NCOA7: variants seen among roughly 807,000 people sequenced by gnomAD.
NCOA7 encodes 140 kDa estrogen receptor-associated protein.
In NCOA7, 45 loss-of-function variants were observed where a neutral mutation model predicts 104.3. The observed-to-expected ratio is 0.43, with a 90% CI of 0.34 to 0.55. The LOEUF (loss-of-function observed/expected upper bound fraction) is 0.55. Among genes scored for constraint, NCOA7 ranks in the 20% least tolerant of loss-of-function variants. The probability of loss-of-function intolerance (pLI) is 0.02; values close to 1 mark genes in which losing one functional copy is unlikely to be tolerated. For missense variants in NCOA7, 1,041 were observed against 1,119.7 expected (o/e 0.93, Z 1.00); for synonymous variants, 398 against 402.3 (o/e 0.99, Z 0.13).
chr6:125,900,100 G>A, intron 10 of NCOA7: 1 of 518,658 alleles, frequency 1.9e-6, no homozygotes, highest in South Asian at 1.4e-5. Flanking sequence ...GAAGCATGAG[G>A]CCAGGGTTAA....
At chr6:125,919,208 A>C (rs980933715) in intron 11 of NCOA7, 10 of 1,564,564 alleles carry the variant, frequency 6.4e-6, no homozygotes, top group African/African-American at 1.4e-5. Flanking sequence ...ACTTCTCCTG[A>C]GGGAAACAGA....
At chr6:125,859,490 T>C (rs1781863560) in intron 3 of NCOA7, among the ~76,000 whole-genome samples, 1 of 152,270 alleles carries the variant, frequency 6.6e-6, no homozygotes, top group South Asian at 2.1e-4. Context: ...ATAATGAATG[T>C]ATCGAAAAAA....
intron 13 of NCOA7, 118 bp from the exon 14 acceptor site, chr6:125,927,545 T>G (rs926725475): frequency 1.6e-5 from 12 of 742,522 alleles, no homozygotes; most frequent in Non-Finnish European, 2.5e-5. Context: ...AGTGCCAATT[T>G]AGTAATAATC....
At chr6:125,927,976 C>T (rs536170145) in intron 14 of NCOA7, among the ~76,000 whole-genome samples, 198 bp from the exon 15 acceptor site, 4 of 152,344 alleles carry the variant, frequency 2.6e-5, no homozygotes, top group Non-Finnish European at 5.9e-5. Flanking sequence ...AGAGCCACCA[C>T]GTGTCTGAAA....
chr6:125,896,455 A>G (rs1054232109), intron 10 of NCOA7, among the ~76,000 whole-genome samples: 32 of 152,226 alleles, frequency 2.1e-4, no homozygotes, highest in African/African-American at 7.2e-4. Flanking sequence ...GGTAAGGCCA[A>G]TTGAGGCCGG....
rs569583921 is a variant in NCOA7 at position 125,895,021 on chromosome 6, G to C, written c.2096+4211G>C. Among the ~76,000 whole-genome samples, 14 of 152,162 alleles carry C rather than the reference G, an allele frequency of 9.2e-5. No homozygotes were observed. In the South Asian group the frequency reaches 2.5e-3, roughly 27 times the overall value. On this transcript the variant is annotated intron_variant, in intron 10 of 15. Transcript: ENST00000392477. ...ATAATATTCCGTGAATTTGGATACT[G>C]TTTTATATTTTAAAAACCTCAATTG...
chr6:125,834,019 A>T (rs1027750316), intron 2 of NCOA7, among the ~76,000 whole-genome samples: 7 of 152,246 alleles, frequency 4.6e-5, no homozygotes, highest in African/African-American at 1.2e-4. Flanking sequence ...TTATTTTTTT[A>T]AAATCGTAAT....
chr6:125,834,269 A>G (rs376611130), intron 2 of NCOA7, among the ~76,000 whole-genome samples: 11 of 152,222 alleles, frequency 7.2e-5, no homozygotes, highest in African/African-American at 2.7e-4. Context: ...AAATGTAAAT[A>G]ATACTTATTA....
intron 3 of NCOA7, among the ~76,000 whole-genome samples, chr6:125,866,889 T>G (rs2128631634): frequency 6.6e-6 from 1 of 152,348 alleles, no homozygotes; most frequent in South Asian, 2.1e-4. Flanking sequence ...TATGTATTTG[T>G]GCTTCTAGAT....
chr6:125,783,211 C>T (rs931835398), intron 1 of NCOA7, among the ~76,000 whole-genome samples: 5 of 152,158 alleles, frequency 3.3e-5, no homozygotes, highest in Non-Finnish European at 7.3e-5. Context: ...TTAGTGGCTA[C>T]GTACCGTCAT....
intron 2 of NCOA7, among the ~76,000 whole-genome samples, chr6:125,846,507 A>G (rs181671394): frequency 6.6e-6 from 1 of 152,276 alleles, no homozygotes; most frequent in African/African-American, 2.4e-5. Context: ...GGGGTTTATC[A>G]TATTTCCAAT....
At chr6:125,829,225 T>A (rs1378059895) in intron 2 of NCOA7, among the ~76,000 whole-genome samples, 1 of 152,186 alleles carries the variant, frequency 6.6e-6, no homozygotes, top group Non-Finnish European at 1.5e-5. Context: ...TTATAATCTA[T>A]GTCCAAAAGT....
intron 3 of NCOA7, among the ~76,000 whole-genome samples, chr6:125,870,668 G>A (rs1782814386): frequency 1.3e-5 from 2 of 152,204 alleles, no homozygotes. Context: ...CAGGCATACT[G>A]CTAGGTAACA....
At chr6:125,895,131 TTC>T (rs1031698750) in intron 10 of NCOA7, among the ~76,000 whole-genome samples, 8 of 152,202 alleles carry the variant, frequency 5.3e-5, no homozygotes, top group African/African-American at 1.9e-4. Flanking sequence ...AGTAAAACTT[TTC>T]TCTTTTTTCC....
At position 125,889,374 on chromosome 6, in the gene NCOA7, T is replaced by A. The variant is rs1316804232; in HGVS notation, c.1320T>A (p.Leu440=). The change falls in exon 9 of 16, where the codon CTT becomes CTA. Residue 440 remains leucine (L), a synonymous_variant. Transcript: ENST00000392477. ...AAAAAGACACCTTGAAGGAGTGCCT[T>A]TCTCTTGACCCAGAGGAACGAAAGA... ...MHKKDTLKEC[L]SLDPEERKKA... The A allele has an allele frequency of 6.2e-7, 1 of 1,613,896 alleles. No individual in the cohort carries two copies. Among genetic ancestry groups the A allele is most frequent in the African/African-American group, 1.3e-5 (1 of 74,922 alleles).
At chr6:125,891,093 C>G (rs554390128) in intron 10 of NCOA7, among the ~76,000 whole-genome samples, 1 of 152,186 alleles carries the variant, frequency 6.6e-6, no homozygotes. Flanking sequence ...TCTCAAGTAC[C>G]AGTAATTAGA....
At chr6:125,904,355 T>G (rs1399166192) in intron 10 of NCOA7, among the ~76,000 whole-genome samples, 1 of 152,188 alleles carries the variant, frequency 6.6e-6, no homozygotes, top group Non-Finnish European at 1.5e-5. Context: ...CTGAGCACCT[T>G]GAGGCAGGGC....
chr6:125,920,898 G>GA, intron 11 of NCOA7, 45 bp from the exon 12 acceptor site: 1 of 1,599,318 alleles, frequency 6.3e-7, no homozygotes, highest in Non-Finnish European at 8.5e-7. Flanking sequence ...GCAGTTAGAA[G>GA]AAAAGCCAAT....
At chr6:125,799,693 C>G (rs374350004) in intron 1 of NCOA7, among the ~76,000 whole-genome samples, 6 of 152,172 alleles carry the variant, frequency 3.9e-5, no homozygotes, top group Admixed American at 3.9e-4. Context: ...CCGCCCTCCT[C>G]AGCCTCCCAA....
Sources: gnomAD v4.1 joint callset for allele counts (sites outside exome capture counted in the v4.1 genomes callset) on GRCh38, gnomAD v4.1.1 for gene constraint, MANE v1.5 for transcripts, NCBI Gene and HGNC (gene_info 2026-07-23, HGNC 2026-07-21) for gene names.